The following GRM1 variants were observed in gnomAD, a reference collection of about 807,000 sequenced individuals.
GRM1 encodes glutamate metabotropic receptor 1, also known as metabotropic glutamate receptor 1.
Under a neutral mutation model 90.9 loss-of-function variants are expected in GRM1, and 33 were observed. That is an observed-to-expected ratio of 0.36 (90% CI 0.28 to 0.49). The LOEUF (loss-of-function observed/expected upper bound fraction) is 0.49. Among genes scored for constraint, GRM1 ranks in the 20% least tolerant of loss-of-function variants. The pLI, the probability that GRM1 is intolerant of heterozygous loss-of-function variation, is 0.99. For missense variants in GRM1, 1,190 were observed against 1,534.3 expected, an observed-to-expected ratio of 0.78 and a Z score of 3.75; for synonymous variants, 700 against 613.2, an observed-to-expected ratio of 1.14 and a Z score of -2.09.
intron 7 of GRM1, among the ~76,000 whole-genome samples, chr6:146,408,061 A>T (rs951690953): frequency 3.9e-5 from 6 of 152,136 alleles, no homozygotes; most frequent in South Asian, 2.1e-4. Context: ...GAAGTCCTAG[A>T]TTAGGGTGCT....
In GRM1 at chr6:146,122,756, T is replaced by A. The variant is rs191214165; in HGVS notation, c.701-36592T>A. 2.4e-3 allele frequency among the ~76,000 whole-genome samples: 357 copies of A among 151,704 alleles called. 5 individuals are homozygous for A. Among genetic ancestry groups the A allele is most frequent in the Admixed American group, 0.02 (305 of 15,246 alleles). ...ACCTCAATCATTTTTGTGGGTGTAA[T>A]TCTTTTCAAATCTCTAAGAATTCTA... On this transcript the variant is annotated intron_variant, in intron 1 of 7. Coordinates refer to ENST00000282753, the MANE Select transcript of GRM1 (RefSeq NM_001278064.2).
chr6:146,220,168 G>A (rs1780013705), intron 2 of GRM1, among the ~76,000 whole-genome samples: 1 of 152,100 alleles, frequency 6.6e-6, no homozygotes, highest in South Asian at 2.1e-4. Context: ...ATCTGTAGGT[G>A]AGAAACTAAT....
At chr6:146,391,934 A>G (rs974827996) in intron 6 of GRM1, among the ~76,000 whole-genome samples, 4 of 152,072 alleles carry the variant, frequency 2.6e-5, no homozygotes, top group African/African-American at 7.2e-5. Context: ...GAGAGTACTT[A>G]CATCCCCTCT....
chr6:146,257,542 T>C (rs1464443707), intron 2 of GRM1, among the ~76,000 whole-genome samples: 1 of 143,676 alleles, frequency 7.0e-6, no homozygotes, highest in African/African-American at 2.9e-5. Context: ...GTATAATTTA[T>C]ATGTGTGTAC....
intron 2 of GRM1, among the ~76,000 whole-genome samples, chr6:146,270,026 G>A (rs1469984194): frequency 6.6e-6 from 1 of 151,718 alleles, no homozygotes; most frequent in East Asian, 1.9e-4. Context: ...ACAAAATGAT[G>A]CTGAGGATGC....
At chr6:146,147,721 TGGA>T (rs1777165395) in intron 1 of GRM1, among the ~76,000 whole-genome samples, 1 of 152,154 alleles carries the variant, frequency 6.6e-6, no homozygotes. Flanking sequence ...TTCCTTGTGT[TGGA>T]GAAGTGGTGA....
intron 7 of GRM1, among the ~76,000 whole-genome samples, chr6:146,427,915 G>A (rs1778270718): frequency 1.3e-5 from 2 of 152,200 alleles, no homozygotes; most frequent in South Asian, 4.1e-4. Flanking sequence ...ATGGGAATGG[G>A]TAGATGTGCT....
At chr6:146,080,700 AG>A (rs896507092) in intron 1 of GRM1, among the ~76,000 whole-genome samples, 3 of 152,094 alleles carry the variant, frequency 2.0e-5, no homozygotes, top group African/African-American at 7.2e-5. Context: ...AGAGCAGTAA[AG>A]GGAGTAGAAA....
At chr6:146,184,300 C>T (rs757459247) in intron 2 of GRM1, among the ~76,000 whole-genome samples, 9 of 152,236 alleles carry the variant, frequency 5.9e-5, no homozygotes, top group Admixed American at 1.3e-4. Flanking sequence ...AAGAAGCACT[C>T]TCTCTCCAAC....
rs768257872 is a variant in GRM1, at chr6:146,265,929, G to A, written c.951-38682G>A. Among the ~76,000 whole-genome samples, 118 of 152,230 alleles carry A rather than the reference G, an allele frequency of 7.8e-4. 2 individuals carry two copies. The highest frequency in any genetic ancestry group is 5.1e-4 in the Non-Finnish European group (35 of 68,016). ...TTAGAGGCTGGGAGTGGTGGCTCACGCCTGTAATCCCAGCACTTTGGGAGG... is the reference window on the plus strand; with the variant it reads ...TTAGAGGCTGGGAGTGGTGGCTCACACCTGTAATCCCAGCACTTTGGGAGG... On this transcript the variant is annotated intron_variant, in intron 2 of 7. Coordinates refer to ENST00000282753, the MANE Select transcript of GRM1 (RefSeq NM_001278064.2).
intron 2 of GRM1, among the ~76,000 whole-genome samples, chr6:146,302,591 A>T (rs563960699): frequency 1.6e-4 from 24 of 151,032 alleles, no homozygotes; most frequent in Non-Finnish European, 3.2e-4. Context: ...GGGTTTTTCC[A>T]TGTTGCCTAG....
At chr6:146,099,767 A>G (rs1285812322) in intron 1 of GRM1, among the ~76,000 whole-genome samples, 3 of 152,138 alleles carry the variant, frequency 2.0e-5, no homozygotes, top group African/African-American at 7.2e-5. Context: ...GTGTCCTTTA[A>G]ATGAATATAC....
chr6:146,039,894 G>A (rs1395466000), intron 1 of GRM1, among the ~76,000 whole-genome samples: 1 of 151,964 alleles, frequency 6.6e-6, no homozygotes, highest in Non-Finnish European at 1.5e-5. Context: ...ATCGCAGACT[G>A]GGAAAAAATT....
chr6:146,329,600 C>T (rs1458026750), intron 3 of GRM1, among the ~76,000 whole-genome samples: 1 of 152,146 alleles, frequency 6.6e-6, no homozygotes, highest in Non-Finnish European at 1.5e-5. Context: ...CTAAACATAA[C>T]TTTGTGTGAT....
At chr6:146,283,210 T>C (rs1253459824) in intron 2 of GRM1, among the ~76,000 whole-genome samples, 1 of 152,216 alleles carries the variant, frequency 6.6e-6, no homozygotes, top group East Asian at 1.9e-4. Context: ...CCCTGCCATC[T>C]GCAGATGTGT....
At chr6:146,127,442 CAGAA>C (rs1776237855) in intron 1 of GRM1, among the ~76,000 whole-genome samples, 1 of 152,130 alleles carries the variant, frequency 6.6e-6, no homozygotes, top group South Asian at 2.1e-4. Context: ...AGAAAGTAAT[CAGAA>C]AGGCCTTTCC....
At chr6:146,419,067 T>G (rs3804295) in intron 7 of GRM1, among the ~76,000 whole-genome samples, 2 of 151,910 alleles carry the variant, frequency 1.3e-5, no homozygotes, top group Non-Finnish European at 2.9e-5. Context: ...GGAGAGGTAC[T>G]GAGATTTCGC....
intron 1 of GRM1, among the ~76,000 whole-genome samples, chr6:146,132,303 A>G (rs529770448): frequency 6.6e-6 from 1 of 152,318 alleles, no homozygotes; most frequent in East Asian, 1.9e-4. Context: ...GACCACATTG[A>G]AGGATATGGC....
At chr6:146,141,713 C>T (rs900873122) in intron 1 of GRM1, among the ~76,000 whole-genome samples, 5 of 152,050 alleles carry the variant, frequency 3.3e-5, no homozygotes, top group East Asian at 1.9e-4. Flanking sequence ...TTTTTCAACT[C>T]GGATTTCTGC....
Sources: allele counts gnomAD v4.1 joint callset (sites outside exome capture counted in the v4.1 genomes callset), GRCh38; gene constraint gnomAD v4.1.1; transcripts MANE v1.5; gene names NCBI Gene and HGNC (gene_info 2026-07-23, HGNC 2026-07-21).